The following PES1 variants were observed in gnomAD, a reference collection of about 807,000 sequenced individuals.
The protein encoded by PES1 is pescadillo homolog.
In PES1, 31 loss-of-function variants were observed where a neutral mutation model predicts 77.1. The observed-to-expected ratio is 0.40, with a 90% CI of 0.30 to 0.54. The LOEUF is 0.54. Ranked by LOEUF, PES1 falls within the 20% of genes least tolerant of loss-of-function variation. The pLI is 0.45. For synonymous variants in PES1, 282 were observed against 303.0 expected (o/e 0.93, Z 0.72); for missense variants, 658 against 771.7 (o/e 0.85, Z 1.75).
chr22:30,596,260 A>AT (rs921252389), upstream of PES1, among the ~76,000 whole-genome samples: 2 of 152,168 alleles, frequency 1.3e-5, no homozygotes, highest in Non-Finnish European at 2.9e-5. Context: ...CTACCTGGAG[A>AT]TTTTTTCTAT....
At chr22:30,580,007 G>A (rs566928377) in intron 11 of PES1, 46 bp downstream of exon 11, 2 of 1,612,040 alleles carry the variant, frequency 1.2e-6, no homozygotes. Context: ...CAGGGCCTTT[G>A]AGACAGGATA....
upstream of PES1, chr22:30,592,382 C>T (rs2087196905): frequency 1.0e-6 from 1 of 988,070 alleles, no homozygotes; most frequent in African/African-American, 1.7e-5. Flanking sequence ...CTCTTTGGTT[C>T]ATTCGCGGTT....
chr22:30,596,702 C>A (rs553102292), upstream of PES1, among the ~76,000 whole-genome samples: 15 of 152,336 alleles, frequency 9.8e-5, no homozygotes, highest in Admixed American at 7.8e-4. Context: ...GTGCTGGCAG[C>A]CCTCACAGCC....
intron 5 of PES1, 32 bp downstream of exon 5, chr22:30,584,514 G>A: frequency 6.2e-7 from 1 of 1,609,028 alleles, no homozygotes; most frequent in Non-Finnish European, 8.5e-7. Flanking sequence ...AGGGGGCAGG[G>A]TGGGATGCCA....
At chr22:30,597,342 G>C (rs1207457409) in intron 2 of PES1, among the ~76,000 whole-genome samples, 1 of 151,658 alleles carries the variant, frequency 6.6e-6, no homozygotes, top group Non-Finnish European at 1.5e-5. Flanking sequence ...GTCTAGTGGG[G>C]ATTTGGAGAA....
At chr22:30,581,158 G>T in intron 8 of PES1, 57 bp from the exon 9 acceptor site, 5 of 1,458,684 alleles carry the variant, frequency 3.4e-6, no homozygotes, top group Admixed American at 1.8e-5. Flanking sequence ...CATGTGGCCA[G>T]GGTGGGGAGG....
At chr22:30,581,293 T>G in intron 8 of PES1, 41 bp downstream of exon 8, 1 of 1,597,648 alleles carries the variant, frequency 6.3e-7, no homozygotes, top group South Asian at 1.1e-5. Context: ...CAGAGACCAC[T>G]CCCTTGGGAG....
At position 30,579,212 on chromosome 22, in the gene PES1, TTCC is replaced by T. The variant is rs766197652; in HGVS notation, c.1443_1445del (p.Glu482del). ...CCTTTTCTGAACCAGCCTCTGCATC[TTCC>T]TCCTCCTCCTCATTTTCTCCCTCTT... On this transcript the variant is annotated inframe_deletion, in exon 13 of 15. Transcript: ENST00000354694. 212 of 1,606,516 alleles carry T rather than the reference TTCC, an allele frequency of 1.3e-4. 1 individual carries two copies. In the East Asian group the frequency reaches 1.6e-3, roughly 12 times the overall value.
intron 2 of PES1, chr22:30,604,165 CTG>C (rs1294969104): frequency 6.6e-6 from 1 of 152,156 alleles, no homozygotes; most frequent in Non-Finnish European, 1.5e-5. Flanking sequence ...GACTGCTTGT[CTG>C]TGTCAAAATG....
At chr22:30,589,823 CAGG>C (rs962432439) in intron 1 of PES1, among the ~76,000 whole-genome samples, 5 of 152,110 alleles carry the variant, frequency 3.3e-5, no homozygotes, top group Admixed American at 3.3e-4. Context: ...TCACCACTAC[CAGG>C]AGACTTATTA....
At chr22:30,588,385 G>A (rs1046301075) in intron 2 of PES1, among the ~76,000 whole-genome samples, 2 of 152,124 alleles carry the variant, frequency 1.3e-5, no homozygotes, top group African/African-American at 2.4e-5. Flanking sequence ...AGGCCTTTCT[G>A]AGATATCAAC....
chr22:30,583,347 G>T (rs574744773), intron 6 of PES1, among the ~76,000 whole-genome samples: 30 of 152,310 alleles, frequency 2.0e-4, no homozygotes, highest in South Asian at 2.1e-4. Context: ...ACCCACAAGG[G>T]ATCATAAGTA....
At chr22:30,592,870 G>GT (rs34674275), upstream of PES1, among the ~76,000 whole-genome samples, 25,526 of 152,030 alleles carry the variant, frequency 0.17, 2,252 homozygotes, top group African/African-American at 0.19. Context: ...CATAAATTCT[G>GT]TAAGTGTTCC....
intron 2 of PES1, among the ~76,000 whole-genome samples, chr22:30,600,920 G>C (rs2087345282): frequency 6.6e-6 from 1 of 152,030 alleles, no homozygotes; most frequent in Non-Finnish European, 1.5e-5. Context: ...GGAAAGCTGG[G>C]AGCTGGCTGG....
intron 10 of PES1, 88 bp from the exon 11 acceptor site, chr22:30,580,266 G>T: frequency 6.7e-7 from 1 of 1,500,758 alleles, no homozygotes. Context: ...TGGCCACCCA[G>T]CCCATAAACT....
At position 30,591,863 on chromosome 22, in the gene PES1, G is replaced by C. The variant is rs1476791071; in HGVS notation, c.-30C>G. ...CCACGTTGAGGAGCCGACTAGGGCC[G>C]CGCGTACAGGGAGCTCCACTTCCTC... On this transcript the variant is annotated 5_prime_UTR_variant, in exon 1 of 15. Coordinates refer to ENST00000354694, the MANE Select transcript of PES1 (RefSeq NM_014303.4). 6.5e-7 allele frequency: 1 copy of C among 1,544,928 alleles called. No homozygotes were observed. Among genetic ancestry groups the C allele is most frequent in the Admixed American group, 2.0e-5 (1 of 50,628 alleles).
intron 2 of PES1, 81 bp from the exon 3 acceptor site, chr22:30,588,255 A>G: frequency 2.6e-6 from 4 of 1,548,312 alleles, no homozygotes; most frequent in Non-Finnish European, 3.6e-6. Context: ...CTGGAAAACA[A>G]CAGTAAATGG....
chr22:30,583,835 C>T (rs1004567561), intron 6 of PES1, among the ~76,000 whole-genome samples: 1 of 152,250 alleles, frequency 6.6e-6, no homozygotes, highest in Non-Finnish European at 1.5e-5. Flanking sequence ...CTCACCGTTC[C>T]CCTTCTCTCC....
upstream of PES1, among the ~76,000 whole-genome samples, chr22:30,596,042 C>T (rs1005906836): frequency 2.6e-5 from 4 of 152,178 alleles, no homozygotes; most frequent in African/African-American, 9.7e-5. Context: ...TAGCTGGCTA[C>T]ATATTATAGC....
Sources: gnomAD v4.1 joint callset for allele counts (sites outside exome capture counted in the v4.1 genomes callset) on GRCh38, gnomAD v4.1.1 for gene constraint, MANE v1.5 for transcripts, NCBI Gene and HGNC (gene_info 2026-07-23, HGNC 2026-07-21) for gene names.